Variants in TSPAN14 observed in about 807,000 individuals in gnomAD.
TSPAN14 encodes the protein tetraspanin 14, also known as tetraspanin-14.
In TSPAN14, 16 loss-of-function variants were observed where a neutral mutation model predicts 36.6. The observed-to-expected ratio is 0.44, with a 90% CI of 0.30 to 0.66. The LOEUF is 0.66. Among genes scored for constraint, TSPAN14 ranks in the 30% least tolerant of loss-of-function variants. The pLI, the probability that TSPAN14 is intolerant of heterozygous loss-of-function variation, is 0.12. For synonymous variants in TSPAN14, 139 were observed against 143.8 expected (o/e 0.97, Z 0.24); for missense variants, 231 against 355.1 (o/e 0.65, Z 2.81).
At chr10:80,501,105 G>GTTTTTTTTTTTTTTT (rs10713598) in intron 2 of TSPAN14, among the ~76,000 whole-genome samples, 1 of 140,004 alleles carries the variant, frequency 7.1e-6, no homozygotes, top group African/African-American at 2.7e-5. Context: ...AACTGACGCT[G>GTTTTTTTTTTTTTTT]TTTTTTTTTT....
chr10:80,513,890 T>C (rs1840789185), intron 6 of TSPAN14, 129 bp from the exon 7 acceptor site: 2 of 768,490 alleles, frequency 2.6e-6, no homozygotes, highest in Admixed American at 2.1e-5. Context: ...GGTGGCATGA[T>C]TGAAGGACAT....
intron 1 of TSPAN14, among the ~76,000 whole-genome samples, chr10:80,456,260 G>T (rs575509606): frequency 6.6e-6 from 1 of 152,148 alleles, no homozygotes; most frequent in African/African-American, 2.4e-5. Flanking sequence ...GGGGTTGTGG[G>T]GGGGGTCTGA....
At chr10:80,487,367 C>T (rs960220674) in intron 1 of TSPAN14, among the ~76,000 whole-genome samples, 17 of 152,100 alleles carry the variant, frequency 1.1e-4, no homozygotes, top group Admixed American at 6.5e-4. Flanking sequence ...AAGGCTCCAA[C>T]GCAGACCTTC....
chr10:80,459,577 C>G (rs73305127), intron 1 of TSPAN14: 15,226 of 153,140 alleles, frequency 0.099, 905 homozygotes, highest in African/African-American at 0.17. Flanking sequence ...TTGGGCTGTC[C>G]TGCATGGGTA....
At chr10:80,458,981 T>C (rs1287998232) in intron 1 of TSPAN14, among the ~76,000 whole-genome samples, 11 of 151,092 alleles carry the variant, frequency 7.3e-5, no homozygotes, top group African/African-American at 2.7e-4. Flanking sequence ...TTTTTTTTTT[T>C]CTTCCTGGAA....
chr10:80,480,107 C>G (rs972513465), intron 1 of TSPAN14, among the ~76,000 whole-genome samples: 2 of 151,044 alleles, frequency 1.3e-5, no homozygotes, highest in Non-Finnish European at 2.9e-5. Flanking sequence ...CTGTTATTGG[C>G]GTCTAAGAAT....
chr10:80,470,816 T>A (rs1846508589), intron 1 of TSPAN14, among the ~76,000 whole-genome samples: 1 of 152,086 alleles, frequency 6.6e-6, no homozygotes. Context: ...CCATGCTGGT[T>A]TTGTCTTGGT....
At chr10:80,477,427 C>T (rs953040954) in intron 1 of TSPAN14, among the ~76,000 whole-genome samples, 1 of 152,132 alleles carries the variant, frequency 6.6e-6, no homozygotes, top group African/African-American at 2.4e-5. Flanking sequence ...TTTGCTTTCT[C>T]CTAAACCCCC....
chr10:80,465,350 T>A (rs1254235731), intron 1 of TSPAN14, among the ~76,000 whole-genome samples: 4 of 152,186 alleles, frequency 2.6e-5, no homozygotes, highest in Non-Finnish European at 4.4e-5. Flanking sequence ...CAGCTCAGCC[T>A]GCAGCCACCC....
chr10:80,468,933 G>T (rs1218769802), intron 1 of TSPAN14, among the ~76,000 whole-genome samples: 2 of 152,130 alleles, frequency 1.3e-5, no homozygotes. Flanking sequence ...CGCTTTGTTA[G>T]CCTGTTTCAT....
At chr10:80,459,002 G>A (rs560654567) in intron 1 of TSPAN14, among the ~76,000 whole-genome samples, 48 of 149,666 alleles carry the variant, frequency 3.2e-4, no homozygotes, top group Non-Finnish European at 6.1e-4. Flanking sequence ...AAAAAAAGTT[G>A]TCTACTTTTC....
intron 1 of TSPAN14, among the ~76,000 whole-genome samples, chr10:80,477,615 GGT>G (rs1413816146): frequency 2.8e-4 from 43 of 152,292 alleles, no homozygotes; most frequent in African/African-American, 1.0e-3. Flanking sequence ...GGGCATCAGA[GGT>G]TGCTGAGTAC....
intron 2 of TSPAN14, among the ~76,000 whole-genome samples, chr10:80,503,541 C>T (rs1848646005): frequency 6.6e-6 from 1 of 152,008 alleles, no homozygotes; most frequent in African/African-American, 2.4e-5. Context: ...GGGTTCTTTA[C>T]TTAGTGTTCA....
At chr10:80,514,087 T>C (rs1840803793) in intron 7 of TSPAN14, 24 bp downstream of exon 7, 2 of 1,601,034 alleles carry the variant, frequency 1.2e-6, no homozygotes, top group Non-Finnish European at 1.7e-6. Context: ...TGTATACAAC[T>C]TGAAGAGTTC....
At chr10:80,514,583 C>G (rs946624888) in intron 7 of TSPAN14, among the ~76,000 whole-genome samples, 1 of 152,058 alleles carries the variant, frequency 6.6e-6, no homozygotes, top group African/African-American at 2.4e-5. Flanking sequence ...AGTCCTTGTT[C>G]TAGTGGTCTT....
chr10:80,493,538 C>A (rs543956501), intron 2 of TSPAN14, among the ~76,000 whole-genome samples: 1 of 152,266 alleles, frequency 6.6e-6, no homozygotes, highest in East Asian at 1.9e-4. Context: ...AGTGGATAAC[C>A]AAATGTGATA....
chr10:80,470,049 A>G (rs915820617), intron 1 of TSPAN14, among the ~76,000 whole-genome samples: 4 of 152,214 alleles, frequency 2.6e-5, no homozygotes, highest in African/African-American at 9.6e-5. Flanking sequence ...AATACAATGT[A>G]AATGCTATGT....
intron 2 of TSPAN14, among the ~76,000 whole-genome samples, chr10:80,495,730 TTTTTTCTTTAATGGAAATCC>T (rs1158299558): frequency 6.6e-6 from 1 of 152,238 alleles, no homozygotes; most frequent in Non-Finnish European, 1.5e-5. Context: ...TGTTTGTACT[TTTTTTCTTTAATGGAAATCC>T]TTTTTATAAT....
At chr10:80,480,260 C>T (rs1847180454) in intron 1 of TSPAN14, among the ~76,000 whole-genome samples, 1 of 151,536 alleles carries the variant, frequency 6.6e-6, no homozygotes, top group South Asian at 2.1e-4. Context: ...TTGACTTCCT[C>T]TTTTCCTAAT....
Sources: allele counts gnomAD v4.1 joint callset (sites outside exome capture counted in the v4.1 genomes callset), GRCh38; gene constraint gnomAD v4.1.1; transcripts MANE v1.5; gene names NCBI Gene and HGNC (gene_info 2026-07-23, HGNC 2026-07-21).